UBTF: variants seen among roughly 807,000 people sequenced by gnomAD.
UBTF encodes nucleolar transcription factor 1.
UBTF carries 8 observed loss-of-function variants against 112.3 expected under a neutral mutation model. The ratio of observed to expected loss-of-function variants is 0.07; its 90% confidence interval spans 0.04 to 0.13. The LOEUF is 0.13. Ranked by LOEUF, UBTF falls within the 10% of genes least tolerant of loss-of-function variation. UBTF has a pLI of 1.00. For missense variants in UBTF, 457 were observed against 982.1 expected (o/e 0.47, Z 7.15); for synonymous variants, 417 against 373.1 (o/e 1.12, Z -1.36).
intron 15 of UBTF, 21 bp downstream of exon 15, chr17:44,210,103 T>G: frequency 1.9e-6 from 3 of 1,610,424 alleles, no homozygotes; most frequent in Non-Finnish European, 2.5e-6. Context: ...ATGAATGGGG[T>G]GGCCCCAGCC....
intron 5 of UBTF, among the ~76,000 whole-genome samples, chr17:44,214,306 G>C (rs1157868200): frequency 1.3e-5 from 2 of 152,146 alleles, no homozygotes; most frequent in East Asian, 3.9e-4. Flanking sequence ...GTCCTCCTCA[G>C]ACAAAACAGT....
chr17:44,214,954 C>T (rs570171437), intron 5 of UBTF, among the ~76,000 whole-genome samples: 1 of 152,310 alleles, frequency 6.6e-6, no homozygotes, highest in East Asian at 1.9e-4. Flanking sequence ...GGAGGGACCT[C>T]CTGAGCTCTG....
chr17:44,209,860 C>T (rs941033358), intron 15 of UBTF, 127 bp from the exon 16 acceptor site: 1 of 1,030,056 alleles, frequency 9.7e-7, no homozygotes, highest in Non-Finnish European at 1.4e-6. Context: ...AAACAGGTAG[C>T]TAGTGAGCAA....
At position 44,211,409 on chromosome 17, in the gene UBTF, C is replaced by T; in HGVS notation, c.1048-78G>A. 5.0e-6 allele frequency: 8 copies of T among 1,595,512 alleles called. No homozygotes were observed. The highest frequency in any genetic ancestry group is 6.9e-6 in the Non-Finnish European group (8 of 1,166,166). ...CCTGCAGTACTCGGAGGACAGTGAC[C>T]TTCAGCGGGCCTCCAGAGCCTGGGT... On this transcript the variant is annotated intron_variant, in intron 10 of 20. Transcript: ENST00000436088. This position sits in a 1 kb window ranked among gnomAD's most constrained non-coding sequence, Gnocchi z 4.9.
intron 3 of UBTF, chr17:44,216,285 C>T (rs971978486): frequency 6.6e-6 from 4 of 609,130 alleles, no homozygotes; most frequent in South Asian, 4.0e-5. Context: ...CTAGCACCTC[C>T]GTCAATCTCA....
chr17:44,210,684 GCA>G, intron 13 of UBTF, 106 bp downstream of exon 13: 2 of 1,469,648 alleles, frequency 1.4e-6, no homozygotes, highest in Non-Finnish European at 1.8e-6. Flanking sequence ...CCCAGCCCAG[GCA>G]CCGCGTGGCT....
chr17:44,212,760 G>A (rs2056776891), intron 7 of UBTF, 59 bp downstream of exon 7: 16 of 1,600,106 alleles, frequency 1.0e-5, no homozygotes, highest in South Asian at 2.3e-5. Flanking sequence ...GACCTGGCGC[G>A]GCTCCCCCCT....
At chr17:44,219,107 G>T (rs2047025514) in intron 1 of UBTF, 1 of 150,404 alleles carries the variant, frequency 6.6e-6, no homozygotes, top group Non-Finnish European at 1.5e-5. Flanking sequence ...CCGGCCTCCG[G>T]GGAGCCGAGC....
chr17:44,208,879 C>T (rs972115126), intron 17 of UBTF: 2 of 331,650 alleles, frequency 6.0e-6, no homozygotes, highest in African/African-American at 4.6e-5. Context: ...GCCTTGGTTT[C>T]CTTATTTTTA....
At position 44,211,735 on chromosome 17, in the gene UBTF, C is replaced by T. The variant is rs756746346; in HGVS notation, c.918G>A (p.Ser306=). ...TGGCCATGAGCTCTGCGCAGTACAG[C>T]GAGTAGCTGTTCCTATCAGAGCCGC... ...RPTKPPPNSY[S]LYCAELMANM... The change falls in exon 10 of 21, where the codon TCG becomes TCA. Residue 306 remains serine, a synonymous_variant. Coordinates refer to ENST00000436088, the MANE Select transcript of UBTF (RefSeq NM_014233.4). The surrounding 1 kb of genome is among the most constrained non-coding windows in gnomAD (Gnocchi z 4.9). The T allele has an allele frequency of 5.0e-5, 81 of 1,606,756 alleles. No homozygotes were observed. Among genetic ancestry groups the T allele is most frequent in the Non-Finnish European group, 6.3e-5 (74 of 1,179,428 alleles).
In UBTF at chr17:44,215,762, G is replaced by A; in HGVS notation, c.366C>T (p.Phe122=). Residue 122 remains phenylalanine, a synonymous_variant, in exon 5 of 21, where the codon TTC becomes TTT. Coordinates refer to ENST00000436088, the MANE Select transcript of UBTF (RefSeq NM_014233.4). The part of the protein sequence containing the change: ...PKKPLTPYFR[F]FMEKRAKYAK... ...CATACTTGGCCCGCTTCTCCATGAA[G>A]AAGCGGAAATAAGGGGTCAGGGGCT... is the stretch of plus-strand genomic sequence containing the variant. 6.2e-7 allele frequency: 1 copy of A among 1,614,180 alleles called. No individual in the cohort carries two copies. Among genetic ancestry groups the A allele is most frequent in the South Asian group, 1.1e-5 (1 of 91,084 alleles).
At chr17:44,220,087 G>A (rs1215395408), upstream of UBTF, among the ~76,000 whole-genome samples, 1,175 of 48,770 alleles carry the variant, frequency 0.024, 11 homozygotes, top group African/African-American at 0.32. Flanking sequence ...GCCGGGGAAG[G>A]GGGGGGGGGC....
chr17:44,211,627 G>C lies in UBTF; in HGVS notation c.1026C>G (p.Ala342=). 1.9e-6 allele frequency: 3 copies of C among 1,611,634 alleles called. No homozygotes were observed. The highest frequency in any genetic ancestry group is 2.5e-6 in the Non-Finnish European group (3 of 1,179,912). ...TCACCTGATCACACTTCTTGTGATA[G>C]GCGTCCTTCTCCTTCTGGGACAGCA... ...WKLLSQKEKD[A]YHKKCDQKKK... is the part of the protein sequence containing the mutation. Residue 342 remains alanine (A), a synonymous_variant, in exon 10 of 21, where the codon GCC becomes GCG. Transcript: ENST00000436088. The surrounding 1 kb of genome is among the most constrained non-coding windows in gnomAD (Gnocchi z 4.9).
At chr17:44,215,148 T>A (rs2046782961) in intron 5 of UBTF, among the ~76,000 whole-genome samples, 1 of 152,244 alleles carries the variant, frequency 6.6e-6, no homozygotes, top group African/African-American at 2.4e-5. Flanking sequence ...GTAACAGCAC[T>A]GGACTGGGAC....
chr17:44,207,532 A>C lies in UBTF; in HGVS notation c.2091T>G (p.Asp697Glu). 15 of 1,613,922 alleles carry C rather than the reference A, an allele frequency of 9.3e-6. No homozygotes were observed. The highest frequency in any genetic ancestry group is 1.3e-5 in the Non-Finnish European group (15 of 1,179,996). ...DEDEDEEEED[D>E]ENGDSSEDGG... Reference sequence around the variant, plus strand: ...CATCTTCAGAGGAGTCCCCATTCTCATCATCTTCCTCTTCTTCATCCTCGT... The same window carrying C: ...CATCTTCAGAGGAGTCCCCATTCTCCTCATCTTCCTCTTCTTCATCCTCGT... Residue 697 changes from aspartate to glutamate, a missense_variant, in exon 20 of 21, where the codon GAT (aspartate) becomes GAG (glutamate). Coordinates refer to ENST00000436088, the MANE Select transcript of UBTF (RefSeq NM_014233.4).
chr17:44,209,246 C>A (rs1946276469), intron 17 of UBTF, 106 bp downstream of exon 17: 1 of 1,192,390 alleles, frequency 8.4e-7, no homozygotes, highest in African/African-American at 1.5e-5. Context: ...GGAATGAAAT[C>A]ATGAATGAGA....
chr17:44,220,851 G>A (rs2047155102), upstream of UBTF: 1 of 152,148 alleles, frequency 6.6e-6, no homozygotes. Context: ...GCCAGACAAA[G>A]CCCGAGATGG....
In UBTF at chr17:44,207,891, A is replaced by G; in HGVS notation, c.1926T>C (p.Arg642=). The G allele has an allele frequency of 6.2e-7, 1 of 1,613,888 alleles. No individual in the cohort carries two copies. The highest frequency in any genetic ancestry group is 8.5e-7 in the Non-Finnish European group (1 of 1,179,992). Residue 642 remains arginine (R), a synonymous_variant, in exon 18 of 21, where the codon CGT becomes CGC. Coordinates refer to ENST00000436088, the MANE Select transcript of UBTF (RefSeq NM_014233.4). The stretch of plus-strand genomic sequence containing the variant: ...TGGAGATGTACTCTTTATATGCTGC[A>G]CGGTCCTGGGGAGACAGGCTCTGGG... ...LWVKSLSPQD[R]AAYKEYISNK... is the part of the protein sequence containing the mutation.
chr17:44,216,187 A>T, intron 3 of UBTF, 198 bp from the exon 4 acceptor site: 1 of 618,778 alleles, frequency 1.6e-6, no homozygotes, highest in East Asian at 2.7e-5. Context: ...AGGCCCAGGC[A>T]GTCAGTACAC....
Sources: gnomAD v4.1 joint callset for allele counts (sites outside exome capture counted in the v4.1 genomes callset) on GRCh38, gnomAD v4.1.1 for gene constraint, Gnocchi (gnomAD v3.1) non-coding constraint, MANE v1.5 for transcripts, NCBI Gene and HGNC (gene_info 2026-07-23, HGNC 2026-07-21) for gene names.